The following CTNND2 variants were observed in gnomAD, a reference collection of about 807,000 sequenced individuals.
The protein encoded by CTNND2 is catenin delta 2, also known as catenin delta-2.
A neutral mutation model predicts 144.4 loss-of-function variants in CTNND2; 22 were observed. The ratio of observed to expected loss-of-function variants is 0.15; its 90% CI spans 0.11 to 0.22. The LOEUF is 0.22. Ranked by LOEUF, CTNND2 falls within the 10% of genes least tolerant of loss-of-function variation. The pLI is 1.00. For missense variants in CTNND2, 1,353 were observed against 1,618.8 expected (o/e 0.84, Z 2.82); for synonymous variants, 751 against 695.6 (o/e 1.08, Z -1.25).
chr5:11,705,323 C>G (rs536019935), intron 2 of CTNND2, among the ~76,000 whole-genome samples: 3 of 152,138 alleles, frequency 2.0e-5, no homozygotes, highest in Non-Finnish European at 2.9e-5. Flanking sequence ...AACTCCATTC[C>G]TGAGCAAATC....
At chr5:11,002,467 G>A (rs79310199) in intron 18 of CTNND2, among the ~76,000 whole-genome samples, 3,141 of 152,354 alleles carry the variant, frequency 0.021, 45 homozygotes, top group South Asian at 0.042. Context: ...GAGGAGGAAA[G>A]GGGATTAGGG....
chr5:11,210,481 A>G (rs1738514294), intron 10 of CTNND2, among the ~76,000 whole-genome samples: 1 of 152,228 alleles, frequency 6.6e-6, no homozygotes, highest in Admixed American at 6.5e-5. Context: ...TGCCGGTCTT[A>G]CTTTTTAAAA....
intron 18 of CTNND2, among the ~76,000 whole-genome samples, chr5:11,014,131 G>A (rs1741371950): frequency 6.6e-6 from 1 of 152,152 alleles, no homozygotes; most frequent in Non-Finnish European, 1.5e-5. Context: ...ACTACTTCTT[G>A]GAGATGTTGT....
intron 1 of CTNND2, among the ~76,000 whole-genome samples, chr5:11,896,468 G>C (rs1401086385): frequency 5.3e-5 from 8 of 152,106 alleles, no homozygotes; most frequent in African/African-American, 1.9e-4. Flanking sequence ...TTAAAGGCGA[G>C]AAAATGTAAG....
intron 3 of CTNND2, among the ~76,000 whole-genome samples, chr5:11,447,442 A>G (rs1236201267): frequency 6.6e-6 from 1 of 152,230 alleles, no homozygotes; most frequent in African/African-American, 2.4e-5. Flanking sequence ...TGACTATGAT[A>G]AGGGAATAGG....
chr5:11,810,461 T>C (rs1248652576), intron 1 of CTNND2, among the ~76,000 whole-genome samples: 4 of 118,356 alleles, frequency 3.4e-5, no homozygotes, highest in African/African-American at 1.1e-4. Flanking sequence ...AACCATTGCC[T>C]CAAGCAATGT....
chr5:11,462,491 AG>A (rs756357849), intron 3 of CTNND2, among the ~76,000 whole-genome samples: 5 of 152,088 alleles, frequency 3.3e-5, no homozygotes, highest in Non-Finnish European at 4.4e-5. Context: ...TAGTGTCATT[AG>A]TGGCCTCAGG....
At chr5:11,210,780 T>C (rs1738548424) in intron 10 of CTNND2, among the ~76,000 whole-genome samples, 1 of 152,154 alleles carries the variant, frequency 6.6e-6, no homozygotes, top group South Asian at 2.1e-4. Flanking sequence ...AAGCTTTCAT[T>C]TTATAAGGAC....
chr5:11,352,564 A>C (rs1318361563), intron 8 of CTNND2, among the ~76,000 whole-genome samples: 2 of 152,198 alleles, frequency 1.3e-5, no homozygotes, highest in East Asian at 1.9e-4. Context: ...ACAACAACAA[A>C]AAAAATTCAA....
At chr5:11,674,409 A>G (rs1784061015) in intron 2 of CTNND2, among the ~76,000 whole-genome samples, 1 of 152,190 alleles carries the variant, frequency 6.6e-6, no homozygotes, top group Admixed American at 6.5e-5. Flanking sequence ...AAAGGAAGGT[A>G]CCATGATTTC....
chr5:11,076,649 T>C (rs922998350), intron 16 of CTNND2, among the ~76,000 whole-genome samples: 4 of 152,188 alleles, frequency 2.6e-5, no homozygotes, highest in African/African-American at 9.7e-5. Context: ...GACATACACA[T>C]AACTATGGAA....
intron 1 of CTNND2, among the ~76,000 whole-genome samples, chr5:11,846,554 A>C (rs1202033887): frequency 6.6e-6 from 1 of 152,170 alleles, no homozygotes; most frequent in Non-Finnish European, 1.5e-5. Flanking sequence ...TTTTGTAATA[A>C]GATCTCCAAA....
chr5:11,150,441 G>A (rs1342299237), intron 12 of CTNND2, among the ~76,000 whole-genome samples: 2 of 152,018 alleles, frequency 1.3e-5, no homozygotes, highest in Non-Finnish European at 2.9e-5. Flanking sequence ...GTCAATTAGA[G>A]GGAAACTAAA....
At chr5:11,206,925 C>G (rs1738106101) in intron 10 of CTNND2, among the ~76,000 whole-genome samples, 1 of 152,170 alleles carries the variant, frequency 6.6e-6, no homozygotes, top group Admixed American at 6.5e-5. Flanking sequence ...TGACTACTAT[C>G]CTATCTCTGC....
intron 1 of CTNND2, among the ~76,000 whole-genome samples, chr5:11,821,373 T>C (rs1793297735): frequency 3.9e-5 from 6 of 152,146 alleles, no homozygotes; most frequent in African/African-American, 1.2e-4. Context: ...AGTAAAGAAA[T>C]GGCAAAGTGT....
At chr5:11,285,119 A>G (rs1024507247) in intron 9 of CTNND2, among the ~76,000 whole-genome samples, 6 of 152,170 alleles carry the variant, frequency 3.9e-5, no homozygotes. Context: ...TTAATGTCTG[A>G]TCAAGTTCCT....
At chr5:11,295,969 C>T (rs1055711788) in intron 9 of CTNND2, among the ~76,000 whole-genome samples, 1 of 151,858 alleles carries the variant, frequency 6.6e-6, no homozygotes, top group Non-Finnish European at 1.5e-5. Flanking sequence ...CAACAAAAGC[C>T]AAAATTGACA....
chr5:11,629,730 G>T (rs1781325649), intron 2 of CTNND2, among the ~76,000 whole-genome samples: 1 of 152,012 alleles, frequency 6.6e-6, no homozygotes, highest in African/African-American at 2.4e-5. Context: ...GAGTGCAGTA[G>T]TGCCATCATA....
chr5:11,240,243 A>C (rs1443358106), intron 9 of CTNND2, among the ~76,000 whole-genome samples: 1 of 125,530 alleles, frequency 8.0e-6, no homozygotes, highest in Non-Finnish European at 1.7e-5. Flanking sequence ...ACACCAACAC[A>C]CACACTCACA....
Sources: gnomAD v4.1 joint callset for allele counts (sites outside exome capture counted in the v4.1 genomes callset) on GRCh38, gnomAD v4.1.1 for gene constraint, MANE v1.5 for transcripts, NCBI Gene and HGNC (gene_info 2026-07-23, HGNC 2026-07-21) for gene names.